The following FMO5 variants were observed in gnomAD, a reference collection of about 807,000 sequenced individuals.
The protein encoded by FMO5 is flavin containing dimethylaniline monoxygenase 5, also known as flavin-containing monooxygenase 5.
FMO5 carries 51 observed loss-of-function variants against 43.6 expected under a neutral mutation model. The ratio of observed to expected loss-of-function variants is 1.17; its 90% CI spans 0.93 to 1.48. The LOEUF is 1.48. FMO5 is among the 40% of genes most tolerant of loss of function. The probability of loss-of-function intolerance (pLI) is 0.00; values close to 1 mark genes in which losing one functional copy is unlikely to be tolerated. For missense variants in FMO5, 644 were observed against 643.0 expected (o/e 1.00, Z -0.02); for synonymous variants, 187 against 216.5 (o/e 0.86, Z 1.20).
intron 5 of FMO5, among the ~76,000 whole-genome samples, chr1:147,211,892 T>C (rs1264236843): frequency 3.9e-5 from 6 of 152,348 alleles, no homozygotes; most frequent in South Asian, 2.1e-4. Context: ...ACATTGTCTT[T>C]GGGAAGATAA....
chr1:147,204,218 A>G (rs1399434743), intron 6 of FMO5: 2 of 1,389,450 alleles, frequency 1.4e-6, no homozygotes, highest in South Asian at 1.2e-5. Context: ...GTACACTGCT[A>G]TTTTTGCATC....
chr1:147,225,095 G>A lies in FMO5; in HGVS notation c.-37-29C>T, dbSNP rs1337281569. The A allele has an allele frequency of 1.1e-5, 17 of 1,609,570 alleles. No homozygotes were observed. The African/African-American group carries it at 1.7e-4, about 16-fold the overall frequency. The stretch of plus-strand genomic sequence containing the variant: ...AAGAAAGGATGACAAAAGACAAAAA[G>A]CACACATCGGTTAACATTTTTCAAG... On this transcript the variant is annotated intron_variant, in intron 1 of 8. Coordinates refer to ENST00000254090, the MANE Select transcript of FMO5 (RefSeq NM_001461.4).
chr1:147,213,286 T>C, intron 4 of FMO5, 22 bp downstream of exon 4: 13 of 1,588,506 alleles, frequency 8.2e-6, no homozygotes, highest in Non-Finnish European at 1.1e-5. Flanking sequence ...TCAAGGGTCT[T>C]CCTTCCTGGT....
Position 147,203,285 on chromosome 1 carries a change from G to A in FMO5, c.831-1781C>T, listed in dbSNP as rs1406714663. The A allele has an allele frequency of 3.2e-6, 5 of 1,584,786 alleles. No homozygotes were observed. In the African/African-American group the frequency reaches 5.4e-5, roughly 17 times the overall value. ...AAATTAAGCCAATTTCAATCATTTT[G>A]GTCATCATCCCAGTCTTTCTTCCCA... On this transcript the variant is annotated intron_variant, in intron 6 of 8. Transcript: ENST00000254090.
chr1:147,225,640 C>G (rs2102136785), upstream of FMO5: 1 of 153,254 alleles, frequency 6.5e-6, no homozygotes, highest in South Asian at 2.1e-4. Flanking sequence ...CTGGTTTTTG[C>G]CTTAAAGTGA....
intron 2 of FMO5, chr1:147,223,418 T>G (rs1428666755): frequency 6.6e-6 from 1 of 152,284 alleles, no homozygotes; most frequent in Non-Finnish European, 1.5e-5. Context: ...ATAAAGCCAC[T>G]TTTATGTAGC....
chr1:147,197,874 A>G (rs1437174571), intron 7 of FMO5, among the ~76,000 whole-genome samples: 2 of 152,178 alleles, frequency 1.3e-5, no homozygotes, highest in Non-Finnish European at 1.5e-5. Flanking sequence ...AAGGCCTGGT[A>G]CATACTAAAA....
At chr1:147,225,759 G>A (rs1459318140), upstream of FMO5, 1 of 152,210 alleles carries the variant, frequency 6.6e-6, no homozygotes, top group African/African-American at 2.4e-5. Context: ...ACAGATTGTA[G>A]CAGGATGAGC....
chr1:147,203,491 T>C, intron 6 of FMO5: 1 of 857,498 alleles, frequency 1.2e-6, no homozygotes, highest in South Asian at 1.3e-5. Flanking sequence ...TAATCCAACA[T>C]TTTTATTTCC....
intron 6 of FMO5, among the ~76,000 whole-genome samples, chr1:147,207,323 G>T (rs587671481): frequency 2.6e-5 from 4 of 152,240 alleles, no homozygotes; most frequent in African/African-American, 9.6e-5. Context: ...GGTGAATCCA[G>T]GTGAAGGATA....
At chr1:147,184,687 C>T (rs1655467604), downstream of FMO5, 2 of 1,437,648 alleles carry the variant, frequency 1.4e-6, no homozygotes, top group Non-Finnish European at 1.8e-6. The surrounding 1 kb of genome is among the most constrained non-coding windows in gnomAD (Gnocchi z 4.4). Context: ...CTTCTCATCA[C>T]TTCATCTCAA....
At chr1:147,208,213 G>C (rs1660426325) in intron 6 of FMO5, among the ~76,000 whole-genome samples, 4 of 152,056 alleles carry the variant, frequency 2.6e-5, no homozygotes, top group Admixed American at 2.6e-4. Flanking sequence ...TATGATGCCT[G>C]GCTCATAACA....
At chr1:147,192,185 A>C (rs1476173157) in intron 7 of FMO5, among the ~76,000 whole-genome samples, 7 of 151,974 alleles carry the variant, frequency 4.6e-5, no homozygotes, top group African/African-American at 1.7e-4. Flanking sequence ...CTTTTATTTC[A>C]TTGAGCAGTG....
At chr1:147,198,316 T>C (rs1658355679) in intron 7 of FMO5, among the ~76,000 whole-genome samples, 1 of 152,112 alleles carries the variant, frequency 6.6e-6, no homozygotes, top group Non-Finnish European at 1.5e-5. Flanking sequence ...AGGCTTGCAA[T>C]ACAAAGGCAA....
intron 2 of FMO5, 135 bp from the exon 3 acceptor site, chr1:147,216,077 T>G (rs1661943180): frequency 1.6e-6 from 1 of 622,892 alleles, no homozygotes; most frequent in Non-Finnish European, 2.8e-6. Context: ...ATTTGTGCCC[T>G]TATGTAGTCC....
At chr1:147,224,836 C>A in intron 2 of FMO5, 59 bp downstream of exon 2, 5 of 1,534,030 alleles carry the variant, frequency 3.3e-6, no homozygotes, top group Non-Finnish European at 4.5e-6. Context: ...GATAAACTGT[C>A]GTATGCACCT....
At chr1:147,207,557 A>G (rs1170960121) in intron 6 of FMO5, among the ~76,000 whole-genome samples, 1 of 152,128 alleles carries the variant, frequency 6.6e-6, no homozygotes, top group African/African-American at 2.4e-5. Context: ...GGTAAGATCT[A>G]TTTTTTGAGT....
chr1:147,210,757 T>C (rs1553923582), intron 5 of FMO5: 2 of 152,210 alleles, frequency 1.3e-5, no homozygotes, highest in East Asian at 3.9e-4. Flanking sequence ...TAGTAAACAC[T>C]TGATAAGTGC....
Position 147,186,607 on chromosome 1 carries a change from C to A in FMO5, c.*293G>T. ...CAACAAACATTTATTAAGCACCTAC[C>A]ACATGTCAAGAACTCTGCTAAAGAC... On this transcript the variant is annotated 3_prime_UTR_variant, in exon 9 of 9. Transcript: ENST00000254090. 1 of 1,100,930 alleles carries A rather than the reference C, an allele frequency of 9.1e-7. No individual in the cohort carries two copies. Among genetic ancestry groups the A allele is most frequent in the Non-Finnish European group, 1.1e-6 (1 of 904,868 alleles). 68.2% of individuals were successfully genotyped at this position (1,100,930 alleles called of 1,614,324 possible). A position where few individuals can be genotyped will look rare whatever the true frequency, so the allele number is the denominator to read the frequency against.
Sources: gnomAD v4.1 joint callset for allele counts (sites outside exome capture counted in the v4.1 genomes callset) on GRCh38, gnomAD v4.1.1 for gene constraint, Gnocchi (gnomAD v3.1) non-coding constraint, MANE v1.5 for transcripts, NCBI Gene and HGNC (gene_info 2026-07-23, HGNC 2026-07-21) for gene names.